DTNA: variants seen among roughly 807,000 people sequenced by gnomAD.
The protein encoded by DTNA is dystrobrevin alpha, also known as dystrophin-related protein 3.
DTNA carries 43 observed loss-of-function variants against 100.7 expected under a neutral mutation model. The observed-to-expected ratio is 0.43, with a 90% confidence interval of 0.33 to 0.55. The LOEUF (loss-of-function observed/expected upper bound fraction) is 0.55, where lower values mean the gene tolerates loss of function less well. Among genes scored for constraint, DTNA ranks in the 20% least tolerant of loss-of-function variants. The pLI is 0.04. For missense variants in DTNA, 798 were observed against 953.9 expected, an observed-to-expected ratio of 0.84 and a Z score of 2.15; for synonymous variants, 349 against 347.9, an observed-to-expected ratio of 1.00 and a Z score of -0.04.
intron 1 of DTNA, among the ~76,000 whole-genome samples, chr18:34,664,750 C>T (rs961859450): frequency 7.2e-5 from 11 of 152,038 alleles, no homozygotes; most frequent in African/African-American, 2.7e-4. Context: ...TGGGTTTTAT[C>T]TCCAGTGAAT....
chr18:34,577,476 G>A (rs957489609), intron 1 of DTNA, among the ~76,000 whole-genome samples: 3 of 151,926 alleles, frequency 2.0e-5, no homozygotes, highest in Non-Finnish European at 4.4e-5. Context: ...ATAGGTTTTT[G>A]GGGAACAGGT....
At chr18:34,543,736 C>T (rs1348771689) in intron 1 of DTNA, among the ~76,000 whole-genome samples, 86 of 152,076 alleles carry the variant, frequency 5.7e-4, no homozygotes, top group Admixed American at 5.6e-3. Context: ...TAGATGACAA[C>T]AGAAAAATCC....
chr18:34,699,037 T>C (rs754513855), intron 1 of DTNA, among the ~76,000 whole-genome samples: 77 of 151,440 alleles, frequency 5.1e-4, no homozygotes, highest in Non-Finnish European at 4.7e-4. Flanking sequence ...ACTGATTATA[T>C]CTGAAAAGAC....
At chr18:34,707,537 T>G (rs1043482400), upstream of DTNA, among the ~76,000 whole-genome samples, 2 of 152,100 alleles carry the variant, frequency 1.3e-5, no homozygotes, top group Non-Finnish European at 2.9e-5. Flanking sequence ...CAATCAATCA[T>G]ATTAAATGCT....
chr18:34,683,836 TATA>T (rs1434915746), intron 1 of DTNA: 1 of 152,158 alleles, frequency 6.6e-6, no homozygotes, highest in Non-Finnish European at 1.5e-5. Context: ...TTTATAAAAT[TATA>T]ATTTAAAAAA....
intron 1 of DTNA, among the ~76,000 whole-genome samples, chr18:34,691,606 C>T (rs1028303119): frequency 6.6e-6 from 1 of 152,190 alleles, no homozygotes. Context: ...TATTCCTTAG[C>T]ATGTCATAAT....
chr18:34,656,166 A>G (rs2074341922), intron 1 of DTNA, among the ~76,000 whole-genome samples: 1 of 152,192 alleles, frequency 6.6e-6, no homozygotes, highest in Non-Finnish European at 1.5e-5. Context: ...ACCCTTTTAT[A>G]AAGTTATAGT....
intron 1 of DTNA, among the ~76,000 whole-genome samples, chr18:34,508,785 A>G (rs1225163375): frequency 6.6e-6 from 1 of 152,106 alleles, no homozygotes; most frequent in African/African-American, 2.4e-5. Flanking sequence ...TAGCTTTTGG[A>G]TTAGGCATCA....
At chr18:34,725,432 G>A (rs1261611485) in intron 1 of DTNA, among the ~76,000 whole-genome samples, 1 of 150,906 alleles carries the variant, frequency 6.6e-6, no homozygotes, top group Non-Finnish European at 1.5e-5. Context: ...CAAAAAGTGG[G>A]CAAAGGATAT....
chr18:34,813,730 G>A (rs1350962037), intron 6 of DTNA, among the ~76,000 whole-genome samples: 1 of 151,190 alleles, frequency 6.6e-6, no homozygotes, highest in Non-Finnish European at 1.5e-5. Flanking sequence ...GCAGGCACCT[G>A]TAGTCCCAGC....
At chr18:34,574,090 T>A (rs1449505392) in intron 1 of DTNA, 4 of 152,428 alleles carry the variant, frequency 2.6e-5, no homozygotes, top group African/African-American at 9.6e-5. Flanking sequence ...AAGTGGATGT[T>A]ACATACAAGC....
chr18:34,740,968 A>G (rs948418625), intron 1 of DTNA, among the ~76,000 whole-genome samples: 1 of 152,238 alleles, frequency 6.6e-6, no homozygotes, highest in African/African-American at 2.4e-5. Flanking sequence ...GAATCAGAGG[A>G]GCATGATGTA....
intron 3 of DTNA, among the ~76,000 whole-genome samples, chr18:34,789,428 T>C: frequency 6.6e-6 from 1 of 152,236 alleles, no homozygotes; most frequent in East Asian, 1.9e-4. Flanking sequence ...ATTGTAGTTA[T>C]GGTGCTCCTG....
intron 1 of DTNA, among the ~76,000 whole-genome samples, chr18:34,687,195 G>C (rs569620091): frequency 5.3e-5 from 8 of 152,130 alleles, no homozygotes; most frequent in Admixed American, 1.3e-4. Context: ...TTTTGAATTT[G>C]TTTGCTCTTG....
intron 1 of DTNA, among the ~76,000 whole-genome samples, chr18:34,599,005 T>C (rs1002046712): frequency 3.3e-5 from 5 of 152,236 alleles, no homozygotes; most frequent in Non-Finnish European, 7.3e-5. Flanking sequence ...ATATAACTTA[T>C]TAATTCCAAG....
intron 17 of DTNA, chr18:34,868,931 C>A: frequency 3.9e-6 from 1 of 257,532 alleles, no homozygotes; most frequent in Non-Finnish European, 6.1e-6. Context: ...ATTGCAGTAC[C>A]AATATGTTCC....
At chr18:34,561,159 T>C (rs922338784) in intron 1 of DTNA, among the ~76,000 whole-genome samples, 2 of 152,178 alleles carry the variant, frequency 1.3e-5, no homozygotes, top group African/African-American at 4.8e-5. Context: ...TTTCAAGATG[T>C]GGCAACAACT....
chr18:34,671,400 T>A (rs181776772), intron 1 of DTNA, among the ~76,000 whole-genome samples: 40 of 152,278 alleles, frequency 2.6e-4, no homozygotes, highest in Non-Finnish European at 5.7e-4. Context: ...TGCCTCGCCC[T>A]GCTTTGGCTC....
intron 1 of DTNA, among the ~76,000 whole-genome samples, chr18:34,668,705 G>T (rs1229971924): frequency 2.0e-5 from 3 of 152,090 alleles, no homozygotes; most frequent in African/African-American, 4.8e-5. Flanking sequence ...TTCAGGAGCA[G>T]GTTGTTCAGT....
Sources: allele counts gnomAD v4.1 joint callset (sites outside exome capture counted in the v4.1 genomes callset), GRCh38; gene constraint gnomAD v4.1.1; transcripts MANE v1.5; gene names NCBI Gene and HGNC (gene_info 2026-07-23, HGNC 2026-07-21).